The following SYTL2 variants were observed in gnomAD, a reference collection of about 807,000 sequenced individuals.
SYTL2 encodes synaptotagmin like 2, also known as synaptotagmin-like protein 2.
Under a neutral mutation model 198.7 loss-of-function variants are expected in SYTL2, and 165 were observed. That is an observed-to-expected ratio of 0.83 (90% CI 0.73 to 0.94). The LOEUF (loss-of-function observed/expected upper bound fraction) is 0.94, where lower values mean the gene tolerates loss of function less well. SYTL2 is among the 40% of genes least tolerant of loss of function. The probability of loss-of-function intolerance (pLI) is 0.00; values close to 1 mark genes in which losing one functional copy is unlikely to be tolerated. For synonymous variants in SYTL2, 966 were observed against 917.7 expected (o/e 1.05, Z -0.95); for missense variants, 2,835 against 2,582.8 (o/e 1.10, Z -2.12).
At position 85,727,752 on chromosome 11, in the gene SYTL2, T is replaced by C. The variant is rs765449835; in HGVS notation, c.1606A>G (p.Lys536Glu). The C allele has an allele frequency of 6.4e-7, 1 of 1,559,194 alleles. No individual in the cohort carries two copies. The highest frequency in any genetic ancestry group is 1.9e-5 in the Admixed American group (1 of 51,598). ...FNRSSYSDDNKSFLQHPRGIE... is the reference protein window; with the variant it reads ...FNRSSYSDDNESFLQHPRGIE... ...CCTCGGGGATGTTGGAGGAATGACT[T>C]ATTGTCATCTGAATAAGAACTTCGG... Residue 536 changes from lysine to glutamate, a missense_variant, in exon 8 of 20, where the codon AAG becomes GAG. This residue lies in a region of SYTL2 where 2,645 missense variants were observed against 2,381.7 expected (regional missense o/e 1.11). Transcript: ENST00000359152.
rs1036104609 is a variant in SYTL2 at position 85,757,937 on chromosome 11, T to G, written c.-212A>C. On this transcript the variant is annotated 5_prime_UTR_variant, in exon 2 of 20. Coordinates refer to ENST00000359152, the MANE Select transcript of SYTL2 (RefSeq NM_206927.4). ...TTTCCCATGAGGAAGTCCTGGTCTGTGGGATAGTGTCGAGAAGAGGCTCTC... is the reference window on the plus strand; with the variant it reads ...TTTCCCATGAGGAAGTCCTGGTCTGGGGGATAGTGTCGAGAAGAGGCTCTC... The G allele has an allele frequency of 1.5e-5, 9 of 583,128 alleles. No individual in the cohort carries two copies. Among genetic ancestry groups the G allele is most frequent in the African/African-American group, 1.3e-4 (7 of 53,428 alleles). 36.1% of individuals were successfully genotyped at this position (583,128 alleles called of 1,614,324 possible).
intron 1 of SYTL2, among the ~76,000 whole-genome samples, chr11:85,805,812 A>G (rs1052047917): frequency 2.0e-5 from 3 of 152,358 alleles, no homozygotes; most frequent in Non-Finnish European, 4.4e-5. Flanking sequence ...GCTACGTCTT[A>G]TATCTACCTA....
At chr11:85,752,988 G>A (rs10898400) in intron 2 of SYTL2, among the ~76,000 whole-genome samples, 1 of 108,880 alleles carries the variant, frequency 9.2e-6, no homozygotes, top group Non-Finnish European at 1.8e-5. Flanking sequence ...AGAATCATAA[G>A]ATGTGGTGGC....
intron 1 of SYTL2, among the ~76,000 whole-genome samples, chr11:85,801,051 TC>T (rs1247939870): frequency 6.6e-6 from 1 of 152,224 alleles, no homozygotes; most frequent in Non-Finnish European, 1.5e-5. Context: ...CTGGGTCTGA[TC>T]CTGACTGCTT....
intron 5 of SYTL2, among the ~76,000 whole-genome samples, chr11:85,737,204 C>A (rs2090415951): frequency 6.6e-6 from 1 of 152,148 alleles, no homozygotes; most frequent in African/African-American, 2.4e-5. Context: ...TAGCAATTCT[C>A]TCCCAGAAGC....
chr11:85,710,341 C>A (rs2086034766), intron 13 of SYTL2, among the ~76,000 whole-genome samples: 1 of 152,110 alleles, frequency 6.6e-6, no homozygotes, highest in South Asian at 2.1e-4. Flanking sequence ...TTCCCAAAGG[C>A]AGATGTTAGA....
At chr11:85,781,740 A>T (rs1281429232) in intron 1 of SYTL2, among the ~76,000 whole-genome samples, 2 of 152,218 alleles carry the variant, frequency 1.3e-5, no homozygotes, top group African/African-American at 4.8e-5. Flanking sequence ...CCAGTAGGGC[A>T]GTCAAATCTT....
At chr11:85,793,346 T>C (rs530799898) in intron 1 of SYTL2, among the ~76,000 whole-genome samples, 2 of 152,350 alleles carry the variant, frequency 1.3e-5, no homozygotes, top group African/African-American at 4.8e-5. Context: ...TGGTATCTCA[T>C]TGTAGTTTTG....
the SYTL2 span, among the ~76,000 whole-genome samples, chr11:85,843,345 G>A: frequency 1.3e-5 from 2 of 152,156 alleles, no homozygotes; most frequent in Non-Finnish European, 2.9e-5. Context: ...TCCAGCCTGG[G>A]TGACAGAGCA....
intron 2 of SYTL2, among the ~76,000 whole-genome samples, chr11:85,754,135 C>T (rs568864203): frequency 5.6e-4 from 86 of 152,230 alleles, no homozygotes; most frequent in Admixed American, 8.5e-4. Flanking sequence ...AGCCAAATAA[C>T]ACCTAGGAGG....
chr11:85,762,076 C>T (rs1320109374), intron 1 of SYTL2, among the ~76,000 whole-genome samples: 1 of 152,158 alleles, frequency 6.6e-6, no homozygotes, highest in African/African-American at 2.4e-5. Flanking sequence ...AATAAGCCAA[C>T]CCAACATTGA....
rs1026780538 is a variant in SYTL2 at position 85,757,874 on chromosome 11, A to G, written c.-149T>C. The G allele has an allele frequency of 1.8e-6, 2 of 1,132,922 alleles. No homozygotes were observed. Among genetic ancestry groups the G allele is most frequent in the Non-Finnish European group, 2.5e-6 (2 of 805,344 alleles). The allele number at this position is 1,132,922 out of a possible 1,614,324, so 70.2% of individuals were successfully genotyped here. Reference sequence around the variant, plus strand: ...ATCAAAGTCTTATTTTGGCTCAGCAAAAGTTTAGGGCAGCTGATAGCAAGA... The same window carrying G: ...ATCAAAGTCTTATTTTGGCTCAGCAGAAGTTTAGGGCAGCTGATAGCAAGA... On this transcript the variant is annotated 5_prime_UTR_variant, in exon 2 of 20. Transcript: ENST00000359152.
intron 1 of SYTL2, among the ~76,000 whole-genome samples, chr11:85,799,385 A>G (rs1013800382): frequency 6.6e-6 from 1 of 152,226 alleles, no homozygotes; most frequent in Non-Finnish European, 1.5e-5. Flanking sequence ...GGAGGGAAAG[A>G]AAACTTCCTG....
intron 3 of SYTL2, 53 bp from the exon 4 acceptor site, chr11:85,745,825 ACAACTCTCTTAT>A: frequency 6.4e-7 from 1 of 1,558,340 alleles, no homozygotes; most frequent in East Asian, 2.3e-5. Flanking sequence ...TCCATGACCT[ACAACTCTCTTAT>A]CAGCTCTTAT....
In SYTL2 at chr11:85,727,396, T is replaced by C; in HGVS notation, c.1962A>G (p.Lys654=). ...SKNMDYSQDS[K]SPGKGNGASP... Reference sequence around the variant, plus strand: ...ATGCCCCATTCCCTTTTCCTGGGCTTTTTGAATCTTGGCTATAGTCCATAT... The same window carrying C: ...ATGCCCCATTCCCTTTTCCTGGGCTCTTTGAATCTTGGCTATAGTCCATAT... Residue 654 remains lysine (K), a synonymous_variant, in exon 8 of 20, where the codon AAA becomes AAG. Coordinates refer to ENST00000359152, the MANE Select transcript of SYTL2 (RefSeq NM_206927.4). The C allele has an allele frequency of 6.5e-7, 1 of 1,536,384 alleles. No individual in the cohort carries two copies. The highest frequency in any genetic ancestry group is 1.7e-4 in the Middle Eastern group (1 of 5,992).
chr11:85,757,155 G>A (rs2091911494), intron 2 of SYTL2, among the ~76,000 whole-genome samples: 1 of 152,170 alleles, frequency 6.6e-6, no homozygotes, highest in South Asian at 2.1e-4. Flanking sequence ...AATACTTTCA[G>A]TTGCCATTAA....
At chr11:85,752,936 A>AAAC in intron 2 of SYTL2, among the ~76,000 whole-genome samples, 1 of 143,326 alleles carries the variant, frequency 7.0e-6, no homozygotes, top group South Asian at 2.4e-4. Context: ...AAAAAAAAAA[A>AAAC]AAAAAAAAAA....
intron 1 of SYTL2, among the ~76,000 whole-genome samples, chr11:85,789,530 T>A (rs1418151301): frequency 3.3e-5 from 5 of 150,664 alleles, no homozygotes; most frequent in Non-Finnish European, 7.4e-5. Context: ...CCACCGCCCC[T>A]GGCCAAATTA....
At chr11:85,771,505 A>T (rs2092354616) in intron 1 of SYTL2, among the ~76,000 whole-genome samples, 1 of 152,206 alleles carries the variant, frequency 6.6e-6, no homozygotes, top group Non-Finnish European at 1.5e-5. Context: ...TGGGGGGACA[A>T]AGCTCACGTT....
Sources: allele counts gnomAD v4.1 joint callset (sites outside exome capture counted in the v4.1 genomes callset), GRCh38; gene constraint gnomAD v4.1.1; regional missense constraint gnomAD v4.1.1; transcripts MANE v1.5; gene names NCBI Gene and HGNC (gene_info 2026-07-23, HGNC 2026-07-21).